ADGRL2: variants seen among roughly 807,000 people sequenced by gnomAD.
The protein encoded by ADGRL2 is calcium-independent alpha-latrotoxin receptor 2.
ADGRL2 carries 44 observed loss-of-function variants against 157.4 expected under a neutral mutation model. The ratio of observed to expected loss-of-function variants is 0.28; its 90% confidence interval spans 0.22 to 0.36. The LOEUF is 0.36. ADGRL2 is among the 10% of genes least tolerant of loss of function. The pLI is 1.00. For synonymous variants in ADGRL2, 585 were observed against 624.7 expected (o/e 0.94, Z 0.95); for missense variants, 1,510 against 1,768.9 (o/e 0.85, Z 2.63).
At chr1:81,820,488 T>C (rs2090872510) in intron 1 of ADGRL2, among the ~76,000 whole-genome samples, 1 of 152,154 alleles carries the variant, frequency 6.6e-6, no homozygotes, top group Non-Finnish European at 1.5e-5. Flanking sequence ...TGAATATTAG[T>C]TCACATATTT....
intron 1 of ADGRL2, among the ~76,000 whole-genome samples, chr1:81,814,604 C>T (rs928741933): frequency 6.6e-6 from 1 of 151,180 alleles, no homozygotes; most frequent in Non-Finnish European, 1.5e-5. Flanking sequence ...TTAAATTGCT[C>T]TTGTTATTCC....
intron 1 of ADGRL2, chr1:81,414,331 G>T (rs576861580): frequency 6.6e-6 from 1 of 152,178 alleles, no homozygotes; most frequent in Non-Finnish European, 1.5e-5. Context: ...TAATAAAATG[G>T]CACTGTTTGG....
chr1:81,906,004 G>C (rs1335589498), intron 2 of ADGRL2, among the ~76,000 whole-genome samples: 1 of 150,130 alleles, frequency 6.7e-6, no homozygotes, highest in African/African-American at 2.5e-5. Flanking sequence ...AAAAGTTTAT[G>C]AACTTGTTGG....
chr1:81,979,504 G>T (rs1231746770), intron 17 of ADGRL2, among the ~76,000 whole-genome samples: 3 of 151,728 alleles, frequency 2.0e-5, no homozygotes, highest in Non-Finnish European at 3.0e-5. Flanking sequence ...CAGCAATTTT[G>T]TAGATTACAT....
In ADGRL2 at chr1:81,830,785, G is replaced by A. The variant is rs573334131; in HGVS notation, c.-100-6100G>A. The stretch of plus-strand genomic sequence containing the variant: ...GCCTCCCAAAGTGCTGGGATTACAG[G>A]CGTGAGCCACCGCGCCTGGCCAATT... On this transcript the variant is annotated intron_variant, in intron 1 of 23. Transcript: ENST00000686636. 2.2e-3 allele frequency among the ~76,000 whole-genome samples: 333 copies of A among 152,284 alleles called. 1 individual carries two copies. Among genetic ancestry groups the A allele is most frequent in the Non-Finnish European group, 3.7e-3 (255 of 68,016 alleles).
rs762607724 is a variant in ADGRL2, at chr1:81,971,896, G to C, written c.2999G>C (p.Gly1000Ala). 6.8e-6 allele frequency: 11 copies of C among 1,611,226 alleles called. 1 individual carries two copies. The highest frequency in any genetic ancestry group is 2.7e-5 in the African/African-American group (2 of 74,850). The change falls in exon 17 of 24, where the codon GGA (glycine) becomes GCA (alanine). Residue 1000 changes from glycine to alanine, a missense_variant. Physicochemically the swap from Gly to Ala is moderately conservative, Grantham distance 60 (BLOSUM62 0). Coordinates refer to ENST00000686636, the MANE Select transcript of ADGRL2 (RefSeq NM_001366006.2). ...AACTACTTTATATGGAGCTTCATTG[G>C]ACCTGTTACCTTCATTATTCTGGTA... ...VDNYFIWSFI[G>A]PVTFIILLNI...
chr1:81,839,820 T>C, intron 2 of ADGRL2, among the ~76,000 whole-genome samples: 1 of 138,066 alleles, frequency 7.2e-6, no homozygotes, highest in Admixed American at 7.8e-5. Context: ...CATATATATA[T>C]GTTTTCCATC....
chr1:81,444,609 GT>G (rs2077568261), intron 1 of ADGRL2, among the ~76,000 whole-genome samples: 1 of 152,278 alleles, frequency 6.6e-6, no homozygotes, highest in Non-Finnish European at 1.5e-5. Flanking sequence ...CCGAAGAATG[GT>G]GGCAGCTTTC....
chr1:81,835,721 T>A (rs1258492002), intron 1 of ADGRL2, among the ~76,000 whole-genome samples: 2 of 152,108 alleles, frequency 1.3e-5, no homozygotes, highest in African/African-American at 2.4e-5. Flanking sequence ...GTGTCTTCAG[T>A]GCTTTCAGAG....
At position 81,722,432 on chromosome 1, in the gene ADGRL2, C is replaced by G. The variant is rs2084363134; in HGVS notation, c.-143+22624C>G. On this transcript the variant is annotated intron_variant, in intron 1 of 20. Coordinates refer to the ADGRL2 transcript ENST00000359929. ...CACAAATGCCATTAAGCTGAATTTG[C>G]GCTTGGCCGTTTTGTATGCCAAGAG... 17 of 1,148,416 alleles carry G rather than the reference C, an allele frequency of 1.5e-5. No homozygotes were observed. In the South Asian group the frequency reaches 2.1e-4, roughly 14 times the overall value. The allele number at this position is 1,148,416 out of a possible 1,614,324, so 71.1% of individuals were successfully genotyped here.
intron 2 of ADGRL2, among the ~76,000 whole-genome samples, chr1:81,489,101 G>A (rs949436413): frequency 7.9e-5 from 12 of 152,008 alleles, no homozygotes; most frequent in Non-Finnish European, 1.5e-4. Context: ...AGCTGGGCAC[G>A]TGGTGTGCTC....
chr1:81,323,550 G>C (rs937288698), intron 1 of ADGRL2, among the ~76,000 whole-genome samples: 2 of 151,426 alleles, frequency 1.3e-5, no homozygotes, highest in Non-Finnish European at 2.9e-5. Flanking sequence ...ACTACACCCA[G>C]CCAAGAAATT....
At chr1:81,948,147 G>A (rs774995599) in intron 6 of ADGRL2, among the ~76,000 whole-genome samples, 9 of 151,294 alleles carry the variant, frequency 5.9e-5, no homozygotes, top group Non-Finnish European at 1.5e-5. Flanking sequence ...AACGCAGGAG[G>A]CGGAGGTTGC....
chr1:81,528,401 C>T (rs1232844069), intron 2 of ADGRL2, among the ~76,000 whole-genome samples: 1 of 151,934 alleles, frequency 6.6e-6, no homozygotes, highest in South Asian at 2.1e-4. Flanking sequence ...AATCCCAGCA[C>T]TTTGGGAGGC....
rs1331306008 is a variant in ADGRL2 at position 81,800,997 on chromosome 1, C to G, written c.-172C>G. On this transcript the variant is annotated 5_prime_UTR_variant, in exon 1 of 24. Coordinates refer to ENST00000686636, the MANE Select transcript of ADGRL2 (RefSeq NM_001366006.2). ...GACAGCCCTGCGGCCGCCCCGCCGG[C>G]GGAGCCGGGGCCGGCCTGGTCCTCG... is the stretch of plus-strand genomic sequence containing the variant. Among the ~76,000 whole-genome samples the G allele has an allele frequency of 2.7e-5, 4 of 150,364 alleles. No individual in the cohort carries two copies. Among genetic ancestry groups the G allele is most frequent in the Non-Finnish European group, 4.4e-5 (3 of 67,494 alleles).
At chr1:81,909,706 G>A (rs1246278962) in intron 3 of ADGRL2, among the ~76,000 whole-genome samples, 6 of 150,412 alleles carry the variant, frequency 4.0e-5, no homozygotes. Flanking sequence ...ATTCTTTCTA[G>A]TTCAAACCAT....
At chr1:81,627,034 T>A (rs1434534303) in intron 3 of ADGRL2, among the ~76,000 whole-genome samples, 1 of 152,072 alleles carries the variant, frequency 6.6e-6, no homozygotes, top group East Asian at 1.9e-4. Flanking sequence ...CAGGTACACA[T>A]CCCACTTCAA....
At chr1:81,918,195 A>C (rs1387798138) in intron 3 of ADGRL2, among the ~76,000 whole-genome samples, 2 of 152,132 alleles carry the variant, frequency 1.3e-5, no homozygotes, top group East Asian at 1.9e-4. Context: ...CTGGTGAAGA[A>C]ATGGCCTCTA....
chr1:81,573,597 GAA>G (rs2080738753), intron 2 of ADGRL2, among the ~76,000 whole-genome samples: 1 of 152,166 alleles, frequency 6.6e-6, no homozygotes. Flanking sequence ...AAGGGATAAA[GAA>G]GCTGTCCCCT....
Sources: gnomAD v4.1 joint callset for allele counts (sites outside exome capture counted in the v4.1 genomes callset) on GRCh38, gnomAD v4.1.1 for gene constraint, MANE v1.5 for transcripts, NCBI Gene and HGNC (gene_info 2026-07-23, HGNC 2026-07-21) for gene names.